INTS8: variants seen among roughly 807,000 people sequenced by gnomAD.
The protein encoded by INTS8 is integrator complex subunit 8.
A neutral mutation model predicts 138.9 loss-of-function variants in INTS8; 47 were observed. The ratio of observed to expected loss-of-function variants is 0.34; its 90% CI spans 0.27 to 0.43. The LOEUF is 0.43. Among genes scored for constraint, INTS8 ranks in the 20% least tolerant of loss-of-function variants. The probability of loss-of-function intolerance (pLI) is 1.00; values close to 1 mark genes in which losing one functional copy is unlikely to be tolerated. For synonymous variants in INTS8, 392 were observed against 400.9 expected (o/e 0.98, Z 0.27); for missense variants, 996 against 1,173.0 (o/e 0.85, Z 2.20).
chr8:94,852,483 C>T (rs562932492), intron 13 of INTS8, among the ~76,000 whole-genome samples: 5 of 152,136 alleles, frequency 3.3e-5, no homozygotes, highest in South Asian at 2.1e-4. Flanking sequence ...GGGAAGTAAT[C>T]GACAGATACA....
At position 94,823,420 on chromosome 8, in the gene INTS8, G is replaced by A. The variant is rs1343253881; in HGVS notation, c.-12G>A. On this transcript the variant is annotated 5_prime_UTR_variant, in exon 1 of 27. Coordinates refer to ENST00000523731, the MANE Select transcript of INTS8 (RefSeq NM_017864.4). ...GGGAAGCGGCCCTGGTGGTAGCGGC[G>A]GCGGGGGCAGGATGAGCGCGGAGGC... The A allele has an allele frequency of 2.0e-6, 3 of 1,517,212 alleles. No homozygotes were observed. Among genetic ancestry groups the A allele is most frequent in the Non-Finnish European group, 8.8e-7 (1 of 1,134,592 alleles). The allele number at this position is 1,517,212 out of a possible 1,614,324, so 94.0% of individuals were successfully genotyped here.
chr8:94,855,530 A>T (rs966202482), intron 14 of INTS8, among the ~76,000 whole-genome samples: 24 of 152,222 alleles, frequency 1.6e-4, no homozygotes, highest in Non-Finnish European at 3.1e-4. Flanking sequence ...TAGCAGCTTT[A>T]TCTCCTTCTA....
Position 94,832,021 on chromosome 8 carries a change from G to T in INTS8, c.600G>T (p.Leu200Phe). Residue 200 changes from leucine to phenylalanine, a missense_variant, in exon 6 of 27, where the codon TTG becomes TTT. By Grantham distance (22) the Leu-to-Phe change is conservative (BLOSUM62 0). Coordinates refer to ENST00000523731, the MANE Select transcript of INTS8 (RefSeq NM_017864.4). ...VLKEQAADSI[L>F]VLEAALKLNK... The stretch of plus-strand genomic sequence containing the variant: ...AAGAACAAGCTGCTGATTCTATTTT[G>T]GTACTAGAAGCAGCCCTAAAATTAA... 1 of 1,602,812 alleles carries T rather than the reference G, an allele frequency of 6.2e-7. No individual in the cohort carries two copies. The highest frequency in any genetic ancestry group is 8.5e-7 in the Non-Finnish European group (1 of 1,176,272).
intron 2 of INTS8, among the ~76,000 whole-genome samples, chr8:94,825,346 C>T (rs772373823): frequency 2.0e-5 from 3 of 151,508 alleles, no homozygotes; most frequent in Middle Eastern, 3.4e-3. Flanking sequence ...GCACGAGAAT[C>T]GCTTGAACCC....
At chr8:94,866,421 G>C in intron 18 of INTS8, 1 of 494,552 alleles carries the variant, frequency 2.0e-6, no homozygotes, top group Non-Finnish European at 3.8e-6. Flanking sequence ...GCTTTCTGAG[G>C]AACTGGGACT....
intron 2 of INTS8, among the ~76,000 whole-genome samples, chr8:94,826,126 A>G (rs1814490436): frequency 6.6e-6 from 1 of 152,228 alleles, no homozygotes; most frequent in African/African-American, 2.4e-5. Context: ...TTCTTAGGAT[A>G]GCTCCTTAAA....
intron 18 of INTS8, chr8:94,866,439 C>A: frequency 2.3e-6 from 1 of 440,232 alleles, no homozygotes; most frequent in South Asian, 2.1e-5. Flanking sequence ...ACTACAGGCA[C>A]ATGTAACCAT....
At chr8:94,871,225 G>T (rs1018701785) in intron 20 of INTS8, among the ~76,000 whole-genome samples, 1 of 152,008 alleles carries the variant, frequency 6.6e-6, no homozygotes, top group East Asian at 1.9e-4. Flanking sequence ...CCCCAGCACC[G>T]GGAGGCTGAG....
chr8:94,829,427 C>T (rs990246304), intron 5 of INTS8, among the ~76,000 whole-genome samples: 3 of 151,936 alleles, frequency 2.0e-5, no homozygotes, highest in Non-Finnish European at 4.4e-5. Flanking sequence ...GGTTTGCGCT[C>T]CTGTGTGAAT....
At chr8:94,832,920 C>T (rs1300308089) in intron 6 of INTS8, among the ~76,000 whole-genome samples, 3 of 152,128 alleles carry the variant, frequency 2.0e-5, no homozygotes, top group Non-Finnish European at 4.4e-5. Context: ...TCCCAAAGTG[C>T]TGGGATTACA....
At chr8:94,859,426 C>T in intron 15 of INTS8, 85 bp from the exon 16 acceptor site, 1 of 1,345,698 alleles carries the variant, frequency 7.4e-7, no homozygotes, top group Non-Finnish European at 1.0e-6. Flanking sequence ...TTTTTTTATT[C>T]AGTTGAAATC....
intron 12 of INTS8, among the ~76,000 whole-genome samples, chr8:94,851,103 T>C (rs180671825): frequency 1.4e-4 from 22 of 152,318 alleles, no homozygotes; most frequent in African/African-American, 4.8e-4. Flanking sequence ...TTGGTAATCA[T>C]TTTTGGTTCT....
At chr8:94,843,012 G>T (rs892035931) in intron 10 of INTS8, among the ~76,000 whole-genome samples, 3 of 152,170 alleles carry the variant, frequency 2.0e-5, no homozygotes, top group Non-Finnish European at 2.9e-5. Flanking sequence ...CACTCTAGAA[G>T]CCTTTGTTGT....
At chr8:94,848,731 C>G (rs918306581) in intron 10 of INTS8, among the ~76,000 whole-genome samples, 4 of 151,998 alleles carry the variant, frequency 2.6e-5, no homozygotes, top group Admixed American at 6.5e-5. Context: ...CTGCAGGTTA[C>G]TTATACTTTT....
chr8:94,836,897 T>G (rs1010056989), intron 7 of INTS8, among the ~76,000 whole-genome samples: 5 of 152,210 alleles, frequency 3.3e-5, no homozygotes, highest in Non-Finnish European at 7.3e-5. Context: ...TGTATCTTGC[T>G]TAAATCTTTG....
intron 14 of INTS8, among the ~76,000 whole-genome samples, chr8:94,855,800 A>G (rs1815725919): frequency 6.6e-6 from 1 of 152,248 alleles, no homozygotes; most frequent in African/African-American, 2.4e-5. Flanking sequence ...GGGAGAAAGA[A>G]TTGAGCATGA....
chr8:94,878,015 C>A (rs375995055), intron 26 of INTS8, among the ~76,000 whole-genome samples: 1 of 152,180 alleles, frequency 6.6e-6, no homozygotes, highest in Non-Finnish European at 1.5e-5. Flanking sequence ...TGGTGATGAA[C>A]CAGGTGTGGG....
intron 15 of INTS8, among the ~76,000 whole-genome samples, chr8:94,857,323 C>T (rs964864505): frequency 2.9e-4 from 44 of 152,154 alleles, no homozygotes; most frequent in African/African-American, 1.0e-3. Context: ...CCACCCTCCT[C>T]GCCCTCCCAA....
At position 94,880,863 on chromosome 8, in the gene INTS8, A is replaced by G. The variant is rs565885074; in HGVS notation, c.*629A>G. The G allele has an allele frequency of 1.3e-5, 5 of 398,758 alleles. No individual in the cohort carries two copies. The highest frequency in any genetic ancestry group is 4.4e-5 in the Admixed American group (1 of 22,722). The allele number at this position is 398,758 out of a possible 1,614,324, so 24.7% of individuals were successfully genotyped here. ...TTAAGTTTTTCACCCAAATTGTGAT[A>G]TACAAAAAGGTTATTACCAAGCAAC... On this transcript the variant is annotated 3_prime_UTR_variant, in exon 27 of 27. Transcript: ENST00000523731.
Sources: allele counts gnomAD v4.1 joint callset (sites outside exome capture counted in the v4.1 genomes callset), GRCh38; gene constraint gnomAD v4.1.1; transcripts MANE v1.5; gene names NCBI Gene and HGNC (gene_info 2026-07-23, HGNC 2026-07-21).